The following EYS variants were observed in gnomAD, a reference collection of about 807,000 sequenced individuals.
EYS encodes protein eyes shut homolog.
A neutral mutation model predicts 282.1 loss-of-function variants in EYS; 250 were observed. That is an observed-to-expected ratio of 0.89 (90% confidence interval 0.80 to 0.98). The LOEUF is 0.98. EYS is among the 50% of genes least tolerant of loss of function. The pLI is 0.00. For synonymous variants in EYS, 1,355 were observed against 1,282.9 expected (o/e 1.06, Z -1.20); for missense variants, 4,016 against 3,709.0 (o/e 1.08, Z -2.15).
intron 13 of EYS, among the ~76,000 whole-genome samples, chr6:65,036,100 C>T (rs1325446461): frequency 1.3e-5 from 2 of 151,684 alleles, no homozygotes; most frequent in African/African-American, 2.4e-5. Flanking sequence ...GCTACATTAA[C>T]CAAAACAGCA....
intron 5 of EYS, among the ~76,000 whole-genome samples, chr6:65,434,796 G>T (rs1582286727): frequency 6.6e-6 from 1 of 152,090 alleles, no homozygotes; most frequent in Middle Eastern, 3.4e-3. Context: ...CCCTTAATAT[G>T]AAAATGTATT....
intron 36 of EYS, chr6:63,857,523 A>G (rs1378927011): frequency 3.8e-6 from 1 of 260,662 alleles, no homozygotes; most frequent in African/African-American, 2.2e-5. Flanking sequence ...TATTTCTCTG[A>G]CATGCACGCA....
In EYS at chr6:65,690,111, C is replaced by T. The variant is rs917684037; in HGVS notation, c.-448+17024G>A. ...CATCTGTATGCAGAAGTACAGTATA[C>T]AGAGGTAAGAATTTACAATATAGTG... On this transcript the variant is annotated intron_variant, in intron 1 of 42. Coordinates refer to ENST00000503581, the MANE Select transcript of EYS (RefSeq NM_001142800.2). Among the ~76,000 whole-genome samples, 2 of 150,178 alleles carry T rather than the reference C, an allele frequency of 1.3e-5. 1 individual carries two copies. The highest frequency in any genetic ancestry group is 1.3e-4 in the Admixed American group (2 of 14,904).
chr6:64,690,541 C>T lies in EYS; in HGVS notation c.3444-64296G>A, dbSNP rs889460752. Among the ~76,000 whole-genome samples, 8 of 152,078 alleles carry T rather than the reference C, an allele frequency of 5.3e-5. No homozygotes were observed. In the East Asian group the frequency reaches 9.6e-4, roughly 18 times the overall value. On this transcript the variant is annotated intron_variant, in intron 22 of 42. Coordinates refer to ENST00000503581, the MANE Select transcript of EYS (RefSeq NM_001142800.2). ...GACACAGGCATGCGCTTGTTTATTG[C>T]GGCACTATTCATGATAGCAAAGACT... is the stretch of plus-strand genomic sequence containing the variant.
chr6:65,513,877 G>T (rs1333462474), intron 2 of EYS, among the ~76,000 whole-genome samples: 2 of 152,150 alleles, frequency 1.3e-5, no homozygotes, highest in Non-Finnish European at 2.9e-5. Context: ...TTGAAAACTG[G>T]CACAAGACAG....
chr6:65,118,364 T>C (rs1037200894), intron 12 of EYS, among the ~76,000 whole-genome samples: 1 of 152,238 alleles, frequency 6.6e-6, no homozygotes, highest in Non-Finnish European at 1.5e-5. Flanking sequence ...TCCAAATACA[T>C]TTAAAATATT....
intron 12 of EYS, among the ~76,000 whole-genome samples, chr6:65,079,062 C>A (rs1774145705): frequency 6.6e-6 from 1 of 151,878 alleles, no homozygotes; most frequent in Non-Finnish European, 1.5e-5. Flanking sequence ...TAATTCTCTT[C>A]TCTTTATAAA....
intron 36 of EYS, among the ~76,000 whole-genome samples, chr6:63,830,063 C>T (rs903263573): frequency 1.3e-5 from 2 of 152,160 alleles, no homozygotes; most frequent in African/African-American, 4.8e-5. Context: ...CCCATCTGTA[C>T]GTCACCATCA....
chr6:63,811,447 T>C (rs997471624), intron 36 of EYS, among the ~76,000 whole-genome samples: 1 of 152,232 alleles, frequency 6.6e-6, no homozygotes, highest in Admixed American at 6.5e-5. Context: ...CTTTCTTTAC[T>C]TGGTCTCCAT....
Position 64,638,040 on chromosome 6 carries a change from A to G in EYS, c.3444-11795T>C, listed in dbSNP as rs190538402. Among the ~76,000 whole-genome samples, 19 of 91,634 alleles carry G rather than the reference A, an allele frequency of 2.1e-4. 3 individuals carry two copies. In the East Asian group the frequency reaches 3.9e-3, roughly 19 times the overall value. The allele number at this position is 91,634 out of a possible 152,430, so 60.1% of individuals were successfully genotyped here. A position where few individuals can be genotyped will look rare whatever the true frequency, so the allele number is the denominator to read the frequency against. On this transcript the variant is annotated intron_variant, in intron 22 of 42. Transcript: ENST00000503581. ...GGACCAAACCCAACACAATTCAAAT[A>G]TACTGAACTTAAGGATACACTGAGC... is the stretch of plus-strand genomic sequence containing the variant.
intron 30 of EYS, among the ~76,000 whole-genome samples, chr6:64,274,895 G>A (rs1768060120): frequency 6.6e-6 from 1 of 152,038 alleles, no homozygotes. Context: ...AAGTTTGAAT[G>A]CCTAGTGGCG....
chr6:63,727,737 A>AAAAATATATATATATATAT (rs1554164607), intron 41 of EYS, among the ~76,000 whole-genome samples: 8 of 36,714 alleles, frequency 2.2e-4, no homozygotes, highest in African/African-American at 5.3e-4. Context: ...AAAAAAAAAA[A>AAAAATATATATATATATAT]ATATATATAT....
intron 22 of EYS, among the ~76,000 whole-genome samples, chr6:64,784,294 G>A (rs530251598): frequency 6.6e-6 from 1 of 151,508 alleles, no homozygotes; most frequent in South Asian, 2.1e-4. Context: ...TTTTAAATTA[G>A]ATTATTAGTG....
At chr6:65,168,967 T>C (rs1021991570) in intron 12 of EYS, among the ~76,000 whole-genome samples, 15 of 151,358 alleles carry the variant, frequency 9.9e-5, no homozygotes, top group Non-Finnish European at 1.9e-4. Context: ...ATTTTACCTT[T>C]ACCATGTTTT....
chr6:64,593,418 A>G (rs1766474187), intron 24 of EYS, 109 bp from the exon 25 acceptor site: 1 of 681,250 alleles, frequency 1.5e-6, no homozygotes, highest in South Asian at 3.2e-5. Flanking sequence ...CATATTGGAT[A>G]GCTCAAATAA....
At chr6:65,486,471 A>G (rs1413279619) in intron 5 of EYS, among the ~76,000 whole-genome samples, 1 of 152,198 alleles carries the variant, frequency 6.6e-6, no homozygotes, top group Non-Finnish European at 1.5e-5. Context: ...ACAGCTAAAA[A>G]AATTTAAGTA....
chr6:65,502,105 C>T (rs1258591039), intron 2 of EYS, among the ~76,000 whole-genome samples: 1 of 151,586 alleles, frequency 6.6e-6, no homozygotes, highest in Non-Finnish European at 1.5e-5. Flanking sequence ...TAAACATTGA[C>T]CTGTCATTGA....
Position 64,372,130 on chromosome 6 carries a change from GTTTTTTTT to G in EYS, c.6078+16552_6078+16559del, listed in dbSNP as rs201498090. Among the ~76,000 whole-genome samples the G allele has an allele frequency of 4.4e-4, 43 of 97,706 alleles. 1 individual carries two copies. Among genetic ancestry groups the G allele is most frequent in the African/African-American group, 1.4e-3 (29 of 21,236 alleles). 64.1% of individuals were successfully genotyped at this position (97,706 alleles called of 152,430 possible). On this transcript the variant is annotated intron_variant, in intron 29 of 42. Transcript: ENST00000503581. ...TAGCATCACTGGTCTGTATACTTGT[GTTTTTTTT>G]TTTTTTTTTTTTTTTTTTTTTTGTA... is the stretch of plus-strand genomic sequence containing the variant.
chr6:64,732,194 A>T (rs921373516), intron 22 of EYS, among the ~76,000 whole-genome samples: 3 of 151,542 alleles, frequency 2.0e-5, no homozygotes, highest in African/African-American at 7.3e-5. Context: ...TAGCATTAGG[A>T]GAAATACCTA....
Sources: allele counts gnomAD v4.1 joint callset (sites outside exome capture counted in the v4.1 genomes callset), GRCh38; gene constraint gnomAD v4.1.1; transcripts MANE v1.5; gene names NCBI Gene and HGNC (gene_info 2026-07-23, HGNC 2026-07-21).